The following CDKL1 variants were observed in gnomAD, a reference collection of about 807,000 sequenced individuals.
CDKL1 encodes cyclin-dependent kinase-like 1.
A neutral mutation model predicts 42.0 loss-of-function variants in CDKL1; 41 were observed. The ratio of observed to expected loss-of-function variants is 0.98; its 90% CI spans 0.76 to 1.27. The LOEUF is 1.27. CDKL1 is among the 50% of genes most tolerant of loss of function. The pLI, the probability that CDKL1 is intolerant of heterozygous loss-of-function variation, is 0.00. For synonymous variants in CDKL1, 153 were observed against 158.6 expected (o/e 0.96, Z 0.26); for missense variants, 394 against 428.4 (o/e 0.92, Z 0.71).
At chr14:50,353,059 T>G (rs1009490449) in intron 3 of CDKL1, among the ~76,000 whole-genome samples, 1 of 152,242 alleles carries the variant, frequency 6.6e-6, no homozygotes, top group Non-Finnish European at 1.5e-5. Context: ...AGATAAAACA[T>G]AGAGTCAGTC....
rs1008659735 is a variant in CDKL1 at position 50,378,224 on chromosome 14, G to C, written c.168+17477C>G. ...ACATGATGCAGGTGCCTCCTTAGGA[G>C]GGGGATGCCTGTCCTCCTTAGATTC... On this transcript the variant is annotated intron_variant, in intron 2 of 9. Transcript: ENST00000395834. The C allele has an allele frequency of 2.9e-6, 4 of 1,366,392 alleles. No individual in the cohort carries two copies. The African/African-American group carries it at 4.4e-5, about 15-fold the overall frequency. 84.6% of individuals were successfully genotyped at this position (1,366,392 alleles called of 1,614,324 possible). A position where few individuals can be genotyped will look rare whatever the true frequency, so the allele number is the denominator to read the frequency against.
At chr14:50,385,602 A>G (rs1004862281) in intron 2 of CDKL1, among the ~76,000 whole-genome samples, 18 of 151,970 alleles carry the variant, frequency 1.2e-4, no homozygotes, top group Non-Finnish European at 2.6e-4. Flanking sequence ...TCAGGAGTTA[A>G]AGACCAGCCC....
intron 2 of CDKL1, among the ~76,000 whole-genome samples, chr14:50,375,087 C>A (rs1324782056): frequency 6.6e-6 from 1 of 151,764 alleles, no homozygotes; most frequent in Non-Finnish European, 1.5e-5. Context: ...ACATGTATCC[C>A]GGAACTTATT....
chr14:50,368,157 G>T (rs546090505), intron 2 of CDKL1, among the ~76,000 whole-genome samples: 1 of 152,068 alleles, frequency 6.6e-6, no homozygotes, highest in African/African-American at 2.4e-5. Flanking sequence ...ACAGGGTTTC[G>T]CTACGTTGCC....
rs539145686 is a variant in CDKL1 at position 50,380,502 on chromosome 14, G to A, written c.168+15199C>T. On this transcript the variant is annotated intron_variant, in intron 2 of 9. Transcript: ENST00000395834. ...AGTTAGATCAAAAGCAGTTCACCTT[G>A]TGTGGGATGGACAGCAGTTCACACT... is the stretch of plus-strand genomic sequence containing the variant. Among the ~76,000 whole-genome samples, 4 of 152,364 alleles carry A rather than the reference G, an allele frequency of 2.6e-5. No individual in the cohort carries two copies. In the South Asian group the frequency reaches 8.3e-4, roughly 32 times the overall value.
chr14:50,342,387 G>C, intron 4 of CDKL1, 165 bp from the exon 5 acceptor site: 3 of 1,389,324 alleles, frequency 2.2e-6, no homozygotes, highest in Non-Finnish European at 2.8e-6. Context: ...TACCATGCCT[G>C]TCAGAGCCTG....
chr14:50,329,882 C>T lies in CDKL1; in HGVS notation c.*192G>A. 2 of 632,004 alleles carry T rather than the reference C, an allele frequency of 3.2e-6. No homozygotes were observed. The highest frequency in any genetic ancestry group is 4.6e-4 in the Middle Eastern group (1 of 2,190). 39.1% of individuals were successfully genotyped at this position (632,004 alleles called of 1,614,324 possible). On this transcript the variant is annotated 3_prime_UTR_variant, in exon 10 of 10. Transcript: ENST00000395834. ...CCAAACAGGTTTTTTCTTTTCTGGA[C>T]ACCATCATCAAGCATGGAAGACTGG...
intron 2 of CDKL1, among the ~76,000 whole-genome samples, chr14:50,394,189 G>A (rs1174409972): frequency 6.6e-6 from 1 of 152,204 alleles, no homozygotes; most frequent in African/African-American, 2.4e-5. Context: ...CCTTTGAAAT[G>A]TAATGATCAC....
chr14:50,364,858 A>G (rs1371264600), intron 2 of CDKL1, among the ~76,000 whole-genome samples: 2 of 152,246 alleles, frequency 1.3e-5, no homozygotes, highest in Non-Finnish European at 2.9e-5. Flanking sequence ...TAAGGTGCAT[A>G]TGGCACTGTG....
chr14:50,343,699 T>C (rs1041821841), intron 4 of CDKL1, among the ~76,000 whole-genome samples: 15 of 152,186 alleles, frequency 9.9e-5, no homozygotes, highest in African/African-American at 3.6e-4. Context: ...TCCAGGGAAC[T>C]GTGGTATGCA....
At chr14:50,335,365 GTT>G (rs988835954) in intron 7 of CDKL1, 1 of 573,722 alleles carries the variant, frequency 1.7e-6, no homozygotes, top group East Asian at 4.5e-5. Flanking sequence ...CAAAATAGAT[GTT>G]TTTCCCCTAC....
chr14:50,333,591 C>T (rs1012310599), intron 8 of CDKL1: 4 of 152,290 alleles, frequency 2.6e-5, no homozygotes, highest in African/African-American at 4.8e-5. Flanking sequence ...GAGCAGCCCA[C>T]AGCACTGCTG....
At chr14:50,353,901 C>G (rs2033977617) in intron 3 of CDKL1, among the ~76,000 whole-genome samples, 2 of 151,140 alleles carry the variant, frequency 1.3e-5, no homozygotes, top group Non-Finnish European at 2.9e-5. Context: ...TAAATAAAAA[C>G]AAAATAAATG....
chr14:50,331,882 G>T, intron 9 of CDKL1: 1 of 772,742 alleles, frequency 1.3e-6, no homozygotes, highest in Admixed American at 3.0e-5. Context: ...GACAAACCTG[G>T]AGTGTTAGTT....
chr14:50,341,271 A>G (rs1385432009), intron 5 of CDKL1, 39 bp from the exon 6 acceptor site: 1 of 1,551,556 alleles, frequency 6.4e-7, no homozygotes, highest in Non-Finnish European at 8.7e-7. Context: ...ACAGCAGCGG[A>G]AGGCTGGAAT....
chr14:50,332,379 A>C lies in CDKL1; in HGVS notation c.849T>G (p.His283Gln). 1 of 1,614,172 alleles carries C rather than the reference A, an allele frequency of 6.2e-7. No individual in the cohort carries two copies. Among genetic ancestry groups the C allele is most frequent in the Non-Finnish European group, 8.5e-7 (1 of 1,180,036 alleles). Residue 283 changes from histidine to glutamine, a missense_variant, in exon 9 of 10, where the codon CAT (histidine) becomes CAG (glutamine). Coordinates refer to ENST00000395834, the MANE Select transcript of CDKL1 (RefSeq NM_004196.7). ...TQRLTCEQLL[H>Q]HPYFENIREI... ...CTCTGATGTTTTCAAAATATGGGTGATGCAACAGCTGTTCACATGTCAGCC... is the reference window on the plus strand; with the variant it reads ...CTCTGATGTTTTCAAAATATGGGTGCTGCAACAGCTGTTCACATGTCAGCC...
chr14:50,338,875 C>T (rs2033404852), intron 7 of CDKL1, 72 bp downstream of exon 7: 1 of 965,064 alleles, frequency 1.0e-6, no homozygotes, highest in South Asian at 1.3e-5. Flanking sequence ...AGCCATGGGG[C>T]TCAGGAGGTG....
At chr14:50,375,778 C>G (rs12590247) in intron 2 of CDKL1, among the ~76,000 whole-genome samples, 10,723 of 151,468 alleles carry the variant, frequency 0.071, 533 homozygotes, top group East Asian at 0.15. Flanking sequence ...GCCTGGGCAA[C>G]AGAGCGAGAC....
At chr14:50,350,504 G>C (rs1279863984) in intron 3 of CDKL1, among the ~76,000 whole-genome samples, 2 of 152,142 alleles carry the variant, frequency 1.3e-5, no homozygotes, top group African/African-American at 4.8e-5. Flanking sequence ...CCTGGGCCTG[G>C]TTCTTCTCTG....
Sources: allele counts gnomAD v4.1 joint callset (sites outside exome capture counted in the v4.1 genomes callset), GRCh38; gene constraint gnomAD v4.1.1; transcripts MANE v1.5; gene names NCBI Gene and HGNC (gene_info 2026-07-23, HGNC 2026-07-21).